Variants in CHCHD3 observed in about 807,000 individuals in gnomAD.
CHCHD3 encodes coiled-coil-helix-coiled-coil-helix domain containing 3.
In CHCHD3, 20 loss-of-function variants were observed where a neutral mutation model predicts 38.2. That is an observed-to-expected ratio of 0.52 (90% confidence interval 0.37 to 0.76). The LOEUF is 0.76. Among genes scored for constraint, CHCHD3 ranks in the 30% least tolerant of loss-of-function variants. The pLI is 0.00. For synonymous variants in CHCHD3, 82 were observed against 100.0 expected, an observed-to-expected ratio of 0.82 and a Z score of 1.07; for missense variants, 245 against 279.2, an observed-to-expected ratio of 0.88 and a Z score of 0.87.
chr7:133,061,759 C>T (rs996193725), intron 2 of CHCHD3, among the ~76,000 whole-genome samples: 1 of 152,184 alleles, frequency 6.6e-6, no homozygotes, highest in Admixed American at 6.5e-5. Flanking sequence ...TTCAATCAAC[C>T]ACTCATTCAG....
At chr7:132,857,341 G>A (rs1043642547) in intron 5 of CHCHD3, among the ~76,000 whole-genome samples, 1 of 152,156 alleles carries the variant, frequency 6.6e-6, no homozygotes, top group Non-Finnish European at 1.5e-5. Context: ...ACAAGTGATT[G>A]TTCTCATTGT....
chr7:133,050,238 G>C (rs915638781), intron 2 of CHCHD3, among the ~76,000 whole-genome samples: 2 of 150,136 alleles, frequency 1.3e-5, no homozygotes, highest in South Asian at 4.2e-4. Context: ...AGCTACTCAG[G>C]AGACTGAGGC....
chr7:132,925,749 T>C (rs773537932), intron 4 of CHCHD3, among the ~76,000 whole-genome samples: 11 of 152,182 alleles, frequency 7.2e-5, no homozygotes, highest in Non-Finnish European at 7.3e-5. Flanking sequence ...ACTTGTCCTC[T>C]AAGAGCTTAC....
chr7:133,048,076 G>A (rs1814047617), intron 2 of CHCHD3, among the ~76,000 whole-genome samples: 2 of 151,462 alleles, frequency 1.3e-5, no homozygotes, highest in African/African-American at 4.9e-5. Context: ...CAACAAGAGC[G>A]AAACTCTGTC....
At chr7:133,048,507 G>A (rs1205495870) in intron 2 of CHCHD3, among the ~76,000 whole-genome samples, 1 of 152,118 alleles carries the variant, frequency 6.6e-6, no homozygotes, top group East Asian at 1.9e-4. Flanking sequence ...AGAGAAGTGA[G>A]GAGAAGGGTG....
At chr7:132,903,568 A>ATC (rs1398905094) in intron 4 of CHCHD3, among the ~76,000 whole-genome samples, 1 of 152,224 alleles carries the variant, frequency 6.6e-6, no homozygotes, top group Non-Finnish European at 1.5e-5. Context: ...AGGCAGATCC[A>ATC]TCTCTAGGTT....
intron 3 of CHCHD3, among the ~76,000 whole-genome samples, chr7:132,985,796 C>T (rs1375508991): frequency 4.9e-5 from 5 of 102,046 alleles, no homozygotes; most frequent in South Asian, 3.2e-4. Flanking sequence ...GTCAGCCCCC[C>T]GCCCGGCCAG....
At position 132,805,172 on chromosome 7, in the gene CHCHD3, C is replaced by G. The variant is rs1806883836; in HGVS notation, c.525-8595G>C. Among the ~76,000 whole-genome samples, 4 of 152,152 alleles carry G rather than the reference C, an allele frequency of 2.6e-5. No individual in the cohort carries two copies. The South Asian group carries it at 8.3e-4, about 32-fold the overall frequency. On this transcript the variant is annotated intron_variant, in intron 6 of 7. Transcript: ENST00000262570. ...AGGGGAGAGAATACTAAATACTCCC[C>G]CAAGAAACTTATTTACTGGGGGAGA...
intron 5 of CHCHD3, among the ~76,000 whole-genome samples, chr7:132,851,726 GGCTGTGTGATGTGACAC>G (rs1260632105): frequency 2.0e-5 from 3 of 152,174 alleles, no homozygotes; most frequent in African/African-American, 7.2e-5. Flanking sequence ...TTCTCTCAAG[GGCTGTGTGATGTGACAC>G]AGTCACTCTC....
intron 5 of CHCHD3, among the ~76,000 whole-genome samples, chr7:132,869,513 C>G (rs1244303166): frequency 6.6e-6 from 1 of 152,154 alleles, no homozygotes; most frequent in Non-Finnish European, 1.5e-5. Flanking sequence ...AATTATCAGA[C>G]TTCTAACTTT....
intron 5 of CHCHD3, among the ~76,000 whole-genome samples, chr7:132,850,949 T>A (rs1005510896): frequency 6.6e-6 from 1 of 152,206 alleles, no homozygotes; most frequent in Admixed American, 6.5e-5. Flanking sequence ...TTATTTCCTT[T>A]AAATTTCTCT....
chr7:132,914,179 G>A (rs1040201527), intron 4 of CHCHD3, among the ~76,000 whole-genome samples: 1 of 147,168 alleles, frequency 6.8e-6, no homozygotes, highest in Admixed American at 6.7e-5. Flanking sequence ...TAGTAGAGAT[G>A]GGGTTTCACC....
At position 132,815,941 on chromosome 7, in the gene CHCHD3, A is replaced by T. The variant is rs1036191363; in HGVS notation, c.525-19364T>A. 7.9e-5 allele frequency among the ~76,000 whole-genome samples: 12 copies of T among 152,290 alleles called. No individual in the cohort carries two copies. In the South Asian group the frequency reaches 8.3e-4, roughly 11 times the overall value. On this transcript the variant is annotated intron_variant, in intron 6 of 7. Transcript: ENST00000262570. ...AGGCTGAGTCTGTCATAGCCTCCGA[A>T]TCCTTTTCAATGAAATACTGCAGGG...
At chr7:132,862,064 T>TGATGGATGGATGGATG (rs10666936) in intron 5 of CHCHD3, among the ~76,000 whole-genome samples, 7 of 145,706 alleles carry the variant, frequency 4.8e-5, no homozygotes, top group African/African-American at 1.3e-4. Flanking sequence ...TAATGTTTGC[T>TGATGGATGGATGGATG]GATGGATGGA....
chr7:132,977,880 G>T (rs1205507989), intron 3 of CHCHD3, among the ~76,000 whole-genome samples: 1 of 151,938 alleles, frequency 6.6e-6, no homozygotes, highest in African/African-American at 2.4e-5. Flanking sequence ...AAGGATTTTG[G>T]CAAGTTAATG....
chr7:133,034,017 CA>C (rs770522865), intron 2 of CHCHD3, among the ~76,000 whole-genome samples: 9 of 152,140 alleles, frequency 5.9e-5, no homozygotes, highest in Non-Finnish European at 1.0e-4. Context: ...CCAAACTGTA[CA>C]AATGTTTTCA....
chr7:132,930,974 A>C (rs1008861406), intron 4 of CHCHD3, among the ~76,000 whole-genome samples: 3 of 152,194 alleles, frequency 2.0e-5, no homozygotes, highest in Admixed American at 6.5e-5. Context: ...ATCTATATGC[A>C]GGTATCAGTC....
intron 2 of CHCHD3, among the ~76,000 whole-genome samples, chr7:133,057,136 T>C (rs6953845): frequency 0.46 from 70,496 of 152,124 alleles, 17,252 homozygotes; most frequent in African/African-American, 0.62. Context: ...TGGTTCAAGT[T>C]ACACCTATTG....
At chr7:132,951,318 G>A (rs1811031766) in intron 4 of CHCHD3, among the ~76,000 whole-genome samples, 1 of 152,154 alleles carries the variant, frequency 6.6e-6, no homozygotes, top group African/African-American at 2.4e-5. Context: ...TAGAGTCCCT[G>A]GCTTTACAGG....
Sources: allele counts gnomAD v4.1 joint callset (sites outside exome capture counted in the v4.1 genomes callset), GRCh38; gene constraint gnomAD v4.1.1; transcripts MANE v1.5; gene names NCBI Gene and HGNC (gene_info 2026-07-23, HGNC 2026-07-21).